Variants in SDHB observed in about 807,000 individuals in gnomAD.
SDHB encodes the protein succinate dehydrogenase [ubiquinone] iron-sulfur subunit, mitochondrial.
In SDHB, 21 loss-of-function variants were observed where a neutral mutation model predicts 39.7. That is an observed-to-expected ratio of 0.53 (90% CI 0.37 to 0.76). The LOEUF (loss-of-function observed/expected upper bound fraction) is 0.76, where lower values mean the gene tolerates loss of function less well. SDHB is among the 30% of genes least tolerant of loss of function. SDHB has a pLI of 0.00. For missense variants in SDHB, 343 were observed against 350.9 expected (o/e 0.98, Z 0.18); for synonymous variants, 118 against 117.0 (o/e 1.01, Z -0.06).
At chr1:17,024,955 G>A (rs2077983530) in intron 5 of SDHB, among the ~76,000 whole-genome samples, 2 of 152,226 alleles carry the variant, frequency 1.3e-5, no homozygotes, top group Admixed American at 6.5e-5. Context: ...CAGACAGCTG[G>A]TGGGAGTGTC....
At chr1:17,024,295 G>A (rs987267951) in intron 5 of SDHB, among the ~76,000 whole-genome samples, 1 of 152,106 alleles carries the variant, frequency 6.6e-6, no homozygotes, top group Non-Finnish European at 1.5e-5. Flanking sequence ...TTAAATCCAC[G>A]TATAGTGCAC....
At chr1:17,032,125 T>G (rs1274166017) in intron 3 of SDHB, among the ~76,000 whole-genome samples, 1 of 152,234 alleles carries the variant, frequency 6.6e-6, no homozygotes, top group Admixed American at 6.5e-5. Flanking sequence ...TCTTGGGTTT[T>G]CTTTAACTTG....
chr1:17,033,004 C>G (rs1239538726), intron 3 of SDHB, 56 bp downstream of exon 3: 1 of 1,391,584 alleles, frequency 7.2e-7, no homozygotes, highest in African/African-American at 1.4e-5. Context: ...TTGGCCAGCC[C>G]AAGCCTCTTT....
At chr1:17,052,069 A>G (rs953327118) in intron 1 of SDHB, among the ~76,000 whole-genome samples, 5 of 151,004 alleles carry the variant, frequency 3.3e-5, no homozygotes, top group Non-Finnish European at 5.9e-5. Flanking sequence ...CTGGTCTTGA[A>G]CTCCTGACCT....
At chr1:17,051,054 G>A (rs1003682336) in intron 1 of SDHB, among the ~76,000 whole-genome samples, 3 of 152,290 alleles carry the variant, frequency 2.0e-5, no homozygotes, top group Admixed American at 6.5e-5. Flanking sequence ...ATAACCAGTG[G>A]TGAAAACGCA....
intron 5 of SDHB, among the ~76,000 whole-genome samples, chr1:17,026,481 T>G (rs550195157): frequency 6.6e-6 from 1 of 152,108 alleles, no homozygotes; most frequent in South Asian, 2.1e-4. Context: ...TCTCCTGCCT[T>G]GGCCTCCTGA....
At chr1:17,030,902 G>A (rs549085123) in intron 3 of SDHB, among the ~76,000 whole-genome samples, 15 of 151,354 alleles carry the variant, frequency 9.9e-5, no homozygotes, top group African/African-American at 3.4e-4. Context: ...GGCTGGTCTC[G>A]AACTCTGACC....
At chr1:17,028,757 A>G (rs777112101) in intron 3 of SDHB, 21 bp from the exon 4 acceptor site, 1 of 1,612,828 alleles carries the variant, frequency 6.2e-7, no homozygotes, top group Non-Finnish European at 8.5e-7. Flanking sequence ...CACACATTTA[A>G]CACATCCTCA....
At chr1:17,044,670 G>C in intron 2 of SDHB, 91 bp downstream of exon 2, 1 of 1,468,158 alleles carries the variant, frequency 6.8e-7, no homozygotes, top group South Asian at 1.1e-5. Flanking sequence ...GATGATCTCA[G>C]ATTTTTAAGC....
At chr1:17,048,088 G>A (rs2078123792) in intron 1 of SDHB, among the ~76,000 whole-genome samples, 1 of 152,176 alleles carries the variant, frequency 6.6e-6, no homozygotes, top group Admixed American at 6.5e-5. Context: ...ATTCCCATAA[G>A]CACAGGATCA....
rs2077978890 is a variant in SDHB at position 17,024,078 on chromosome 1, T to A, written c.541-4A>T. 6.2e-7 allele frequency: 1 copy of A among 1,607,274 alleles called. No homozygotes were observed. The highest frequency in any genetic ancestry group is 2.2e-5 in the East Asian group (1 of 44,858). On this transcript the variant is annotated splice_polypyrimidine_tract_variant and splice_region_variant and intron_variant, in intron 5 of 7. Coordinates refer to ENST00000375499, the MANE Select transcript of SDHB (RefSeq NM_003000.3). Reference sequence around the variant, plus strand: ...GAATGCACTCGTAGAGCCCGTCCTGTATGGGGAGAAAAGAGAGGCAGGAGC... The same window carrying A: ...GAATGCACTCGTAGAGCCCGTCCTGAATGGGGAGAAAAGAGAGGCAGGAGC...
At chr1:17,045,524 G>A (rs1055963282) in intron 1 of SDHB, among the ~76,000 whole-genome samples, 1 of 152,124 alleles carries the variant, frequency 6.6e-6, no homozygotes, top group Non-Finnish European at 1.5e-5. Flanking sequence ...GCTTGGGCCC[G>A]AGAGGTTGAG....
chr1:17,041,502 T>G (rs2078079556), intron 2 of SDHB, among the ~76,000 whole-genome samples: 2 of 151,820 alleles, frequency 1.3e-5, no homozygotes, highest in Non-Finnish European at 2.9e-5. Flanking sequence ...AAACCCCAAC[T>G]CTACTACAAA....
At chr1:17,034,607 T>C (rs2078041599) in intron 2 of SDHB, among the ~76,000 whole-genome samples, 1 of 152,050 alleles carries the variant, frequency 6.6e-6, no homozygotes, top group Non-Finnish European at 1.5e-5. Context: ...CTCAAACTCC[T>C]GACCTCAAGT....
intron 1 of SDHB, among the ~76,000 whole-genome samples, chr1:17,049,598 C>T (rs1038942033): frequency 2.0e-5 from 3 of 148,282 alleles, no homozygotes; most frequent in Non-Finnish European, 4.5e-5. Context: ...CGCCTGGCCC[C>T]TAACCGGGCT....
rs1461874245 is a variant in SDHB at position 17,048,514 on chromosome 1, T to C, written c.73-3626A>G. On this transcript the variant is annotated intron_variant, in intron 1 of 7. Coordinates refer to ENST00000375499, the MANE Select transcript of SDHB (RefSeq NM_003000.3). ...TCAGGATAAACACCCAGGTGTGTAA[T>C]TGTTGGGCTGTATGGTAGCTACAAG... 4.6e-5 allele frequency among the ~76,000 whole-genome samples: 7 copies of C among 152,250 alleles called. No homozygotes were observed. The East Asian group carries it at 9.6e-4, about 21-fold the overall frequency.
intron 5 of SDHB, among the ~76,000 whole-genome samples, chr1:17,027,077 T>C (rs1302234379): frequency 6.6e-6 from 1 of 152,140 alleles, no homozygotes; most frequent in African/African-American, 2.4e-5. Context: ...TGGGGCTCTG[T>C]CTCCATTTGG....
intron 2 of SDHB, among the ~76,000 whole-genome samples, chr1:17,036,736 G>A (rs2078052145): frequency 1.4e-5 from 2 of 142,148 alleles, no homozygotes; most frequent in South Asian, 2.2e-4. Flanking sequence ...ATATAAATAT[G>A]AATATATAAA....
chr1:17,051,185 C>T (rs148463052), intron 1 of SDHB, among the ~76,000 whole-genome samples: 224 of 152,276 alleles, frequency 1.5e-3, no homozygotes, highest in Non-Finnish European at 2.5e-3. Context: ...TTGTTACCTG[C>T]CCAGCAATTT....
Sources: gnomAD v4.1 joint callset for allele counts (sites outside exome capture counted in the v4.1 genomes callset) on GRCh38, gnomAD v4.1.1 for gene constraint, MANE v1.5 for transcripts, NCBI Gene and HGNC (gene_info 2026-07-23, HGNC 2026-07-21) for gene names.